C4orf50: variants seen among roughly 807,000 people sequenced by gnomAD.
C4orf50 encodes the protein chromosome 4 open reading frame 50.
Under a neutral mutation model 77.2 loss-of-function variants are expected in C4orf50, and 80 were observed. The observed-to-expected ratio is 1.04, with a 90% CI of 0.87 to 1.25. C4orf50 has a LOEUF of 1.25. C4orf50 is among the 50% of genes most tolerant of loss of function. C4orf50 has a pLI of 0.00. For missense variants in C4orf50, 1,257 were observed against 1,152.9 expected, an observed-to-expected ratio of 1.09 and a Z score of -1.31; for synonymous variants, 532 against 465.3, an observed-to-expected ratio of 1.14 and a Z score of -1.84.
At chr4:6,006,081 T>G (rs893641191) in intron 25 of C4orf50, among the ~76,000 whole-genome samples, 1 of 152,108 alleles carries the variant, frequency 6.6e-6, no homozygotes, top group Non-Finnish European at 1.5e-5. Flanking sequence ...TTTTATCTGA[T>G]GAACATAAGG....
chr4:5,957,955 A>T (rs556808168), exon 34 of C4orf50: 1 of 152,258 alleles, frequency 6.6e-6, no homozygotes, highest in Non-Finnish European at 1.5e-5. Context: ...CATTTCAAAC[A>T]AAAAGCTAAA....
intron 7 of C4orf50, among the ~76,000 whole-genome samples, chr4:5,927,298 T>A (rs1717558455): frequency 6.6e-6 from 1 of 152,090 alleles, no homozygotes; most frequent in African/African-American, 2.4e-5. Flanking sequence ...AGCCCATCTC[T>A]GACACTGACC....
At chr4:5,922,993 C>T (rs1717349359) in intron 7 of C4orf50, among the ~76,000 whole-genome samples, 1 of 152,186 alleles carries the variant, frequency 6.6e-6, no homozygotes, top group Admixed American at 6.5e-5. Context: ...TTTGACAGCA[C>T]TTCAGCATTC....
chr4:6,010,251 G>A (rs571091512), intron 24 of C4orf50, among the ~76,000 whole-genome samples: 11 of 152,294 alleles, frequency 7.2e-5, no homozygotes, highest in African/African-American at 2.4e-4. Flanking sequence ...CCTCAGGATG[G>A]TAATGATGAG....
chr4:5,924,721 G>A (rs1431410895), intron 7 of C4orf50, among the ~76,000 whole-genome samples: 1 of 152,232 alleles, frequency 6.6e-6, no homozygotes, highest in Admixed American at 6.5e-5. Context: ...CAAGTTCCAC[G>A]TGGATGTGGG....
At chr4:5,972,294 C>T (rs151276261) in intron 31 of C4orf50, among the ~76,000 whole-genome samples, 5 of 152,294 alleles carry the variant, frequency 3.3e-5, no homozygotes, top group South Asian at 4.2e-4. Context: ...CGAGCCACCG[C>T]GCCCGGCCTG....
chr4:6,004,010 GATGTGATGGTGATAATGTGATA>G (rs1722019533), intron 25 of C4orf50, among the ~76,000 whole-genome samples: 1 of 145,544 alleles, frequency 6.9e-6, no homozygotes, highest in Non-Finnish European at 1.5e-5. Flanking sequence ...TGATGGTGAT[GATGTGATGGTGATAATGTGATA>G]GTGATGATGG....
intron 28 of C4orf50, among the ~76,000 whole-genome samples, chr4:5,982,573 G>T (rs546199314): frequency 1.3e-5 from 2 of 152,190 alleles, no homozygotes; most frequent in Non-Finnish European, 2.9e-5. Flanking sequence ...CATCCAGTTG[G>T]GGGGTGGCAA....
In C4orf50 at chr4:5,970,114, G is replaced by A. The variant is rs1256435353; in HGVS notation, c.4105-2652C>T. ...CAAAGGTGTCTCATTTCATGCTTGTGAATATCAACAGCGTAGGTCCAGGCA... is the reference window on the plus strand; with the variant it reads ...CAAAGGTGTCTCATTTCATGCTTGTAAATATCAACAGCGTAGGTCCAGGCA... On this transcript the variant is annotated intron_variant, in intron 31 of 33. Coordinates refer to ENST00000531445, the Ensembl canonical transcript of C4orf50. The surrounding 1 kb of genome is among the most constrained non-coding windows in gnomAD (Gnocchi z 4.3). Among the ~76,000 whole-genome samples, 6 of 150,558 alleles carry A rather than the reference G, an allele frequency of 4.0e-5. No individual in the cohort carries two copies. Among genetic ancestry groups the A allele is most frequent in the African/African-American group, 1.5e-4 (6 of 40,714 alleles).
downstream of C4orf50, among the ~76,000 whole-genome samples, chr4:5,955,461 C>A (rs1167012485): frequency 6.6e-6 from 1 of 152,152 alleles, no homozygotes; most frequent in African/African-American, 2.4e-5. This position sits in a 1 kb window ranked among gnomAD's most constrained non-coding sequence, Gnocchi z 5.1. Context: ...CCACGTGATA[C>A]CTTTCAAGGC....
chr4:5,918,920 C>A (rs186792121), intron 7 of C4orf50, among the ~76,000 whole-genome samples: 1 of 152,282 alleles, frequency 6.6e-6, no homozygotes, highest in Non-Finnish European at 1.5e-5. Flanking sequence ...TTAAAGCATA[C>A]CCCTCCCAGG....
At chr4:5,930,054 A>C (rs1002745464) in intron 7 of C4orf50, among the ~76,000 whole-genome samples, 21 of 152,318 alleles carry the variant, frequency 1.4e-4, no homozygotes, top group African/African-American at 4.3e-4. Context: ...TCTAGGCATG[A>C]TGACAACCAG....
rs537830288 is a variant in C4orf50, at chr4:5,988,873, G to A, written c.3173C>T (p.Thr1058Ile). 430 of 1,535,950 alleles carry A rather than the reference G, an allele frequency of 2.8e-4. 2 individuals are homozygous for A. In the African/African-American group the frequency reaches 4.0e-3, roughly 14 times the overall value. ...ACTGACGCCAAGCTCCGAGATCAGT[G>A]TCTGGAGCTTCCAGTTTTCCAGGGT... The change falls in exon 28 of 34, where the codon ACA (threonine) becomes ATA (isoleucine). Residue 1058 changes from threonine (T) to isoleucine (I), a missense_variant. Physicochemically the swap from Thr to Ile is moderately conservative, Grantham distance 89. Transcript: ENST00000531445.
In C4orf50 at chr4:6,011,898, G is replaced by A; in HGVS notation, c.358C>T (p.Gln120Ter). The A allele has an allele frequency of 2.5e-6, 1 of 399,022 alleles. No individual in the cohort carries two copies. 24.7% of individuals were successfully genotyped at this position (399,022 alleles called of 1,614,324 possible). A position where few individuals can be genotyped will look rare whatever the true frequency, so the allele number is the denominator to read the frequency against. Residue 120 changes from glutamine to a stop codon, truncating the protein, a stop_gained, in exon 24 of 34, where the codon CAG (glutamine) becomes TAG (stop). Transcript: ENST00000531445. LOFTEE classifies it high-confidence loss of function. This position sits in a 1 kb window ranked among gnomAD's most constrained non-coding sequence, Gnocchi z 4.2. ...GCCTGGAGCCAGGCGCTTCTCTCCT[G>A]GGCCACGTGGGTGCTCAGCTGGTCC... is the stretch of plus-strand genomic sequence containing the variant.
intron 7 of C4orf50, among the ~76,000 whole-genome samples, chr4:5,913,514 A>G (rs1716899275): frequency 6.6e-6 from 1 of 152,236 alleles, no homozygotes; most frequent in Non-Finnish European, 1.5e-5. Context: ...AATGGAAAAT[A>G]TAGATGAGAT....
chr4:5,936,042 T>C (rs1173141333), intron 7 of C4orf50, among the ~76,000 whole-genome samples: 2 of 152,130 alleles, frequency 1.3e-5, no homozygotes, highest in African/African-American at 4.8e-5. Context: ...TATGGATTTA[T>C]TTAACCTTAA....
intron 31 of C4orf50, among the ~76,000 whole-genome samples, chr4:5,969,374 C>T (rs1309019254): frequency 6.6e-6 from 1 of 151,280 alleles, no homozygotes; most frequent in Non-Finnish European, 1.5e-5. Flanking sequence ...TATGACCGCT[C>T]CTTTTTTAGA....
exon 33 of C4orf50, chr4:5,965,026 T>C: frequency 6.2e-7 from 1 of 1,612,396 alleles, no homozygotes; most frequent in Non-Finnish European, 8.5e-7. Context: ...CTTCTCACCT[T>C]CAGAGAATCC....
rs1722476302 is a variant in C4orf50 at position 6,011,090 on chromosome 4, G to A, written c.426+740C>T. On this transcript the variant is annotated intron_variant, in intron 24 of 33. Coordinates refer to ENST00000531445, the Ensembl canonical transcript of C4orf50. The surrounding 1 kb of genome is among the most constrained non-coding windows in gnomAD (Gnocchi z 4.2). ...CCCTTAACTGCCCACTGCTTCTCCA[G>A]AGAGCTCTCGAACTTCTCCCCCTGC... 6.6e-6 allele frequency among the ~76,000 whole-genome samples: 1 copy of A among 152,068 alleles called. No homozygotes were observed.
Sources: gnomAD v4.1 joint callset for allele counts (sites outside exome capture counted in the v4.1 genomes callset) on GRCh38, gnomAD v4.1.1 for gene constraint, Gnocchi (gnomAD v3.1) non-coding constraint, MANE v1.5 for transcripts, NCBI Gene and HGNC (gene_info 2026-07-23, HGNC 2026-07-21) for gene names.